RAP1A: variants seen among roughly 807,000 people sequenced by gnomAD.
RAP1A encodes the protein ras-related protein Rap-1A.
A neutral mutation model predicts 26.4 loss-of-function variants in RAP1A; 6 were observed. That is an observed-to-expected ratio of 0.23 (90% CI 0.12 to 0.45). The LOEUF is 0.45. Ranked by LOEUF, RAP1A falls within the 20% of genes least tolerant of loss-of-function variation. The pLI is 0.99. For synonymous variants in RAP1A, 73 were observed against 79.4 expected, an observed-to-expected ratio of 0.92 and a Z score of 0.43; for missense variants, 121 against 217.2, an observed-to-expected ratio of 0.56 and a Z score of 2.78.
chr1:111,570,310 A>G (rs1299124663), intron 1 of RAP1A, among the ~76,000 whole-genome samples: 3 of 152,342 alleles, frequency 2.0e-5, no homozygotes, highest in African/African-American at 4.8e-5. Flanking sequence ...AGGGATTTCA[A>G]GGTCAAACCA....
intron 6 of RAP1A, chr1:111,706,838 T>C: frequency 1.4e-6 from 1 of 728,820 alleles, no homozygotes; most frequent in Non-Finnish European, 1.7e-6. Flanking sequence ...GTTACCTTTC[T>C]ATATAGTACC....
At chr1:111,634,212 A>T (rs74109833) in intron 1 of RAP1A, among the ~76,000 whole-genome samples, 8,065 of 152,220 alleles carry the variant, frequency 0.053, 457 homozygotes, top group African/African-American at 0.14. Flanking sequence ...TATTTGAGAG[A>T]GTGCCCTTTA....
intron 1 of RAP1A, among the ~76,000 whole-genome samples, chr1:111,689,086 T>A (rs1033087333): frequency 1.3e-5 from 2 of 152,158 alleles, no homozygotes; most frequent in Non-Finnish European, 2.9e-5. Context: ...TCTGCCCATC[T>A]TGGCCTCCCA....
chr1:111,689,265 T>C (rs934868099), intron 1 of RAP1A, among the ~76,000 whole-genome samples: 4 of 152,104 alleles, frequency 2.6e-5, no homozygotes, highest in Non-Finnish European at 4.4e-5. Context: ...TCTTTTTTTT[T>C]TCTTTTTCTT....
At position 111,557,501 on chromosome 1, in the gene RAP1A, G is replaced by A. The variant is rs146904656; in HGVS notation, c.-28+14992G>A. Among the ~76,000 whole-genome samples, 439 of 150,374 alleles carry A rather than the reference G, an allele frequency of 2.9e-3. 3 individuals are homozygous for A. The highest frequency in any genetic ancestry group is 0.01 in the African/African-American group (411 of 40,868). On this transcript the variant is annotated intron_variant, in intron 1 of 7. Transcript: ENST00000356415. ...GGAGGAGGAGGTTGCAGTGAGCCGA[G>A]ATCACACCACTGCACTCCAGCCTGG...
upstream of RAP1A, chr1:111,619,675 A>C (rs1385445275): frequency 1.5e-5 from 6 of 391,582 alleles, no homozygotes; most frequent in Non-Finnish European, 2.7e-5. Context: ...CGGACTCCGG[A>C]ACGCCGTGGG....
At chr1:111,632,921 C>CAAA (rs59053038) in intron 1 of RAP1A, among the ~76,000 whole-genome samples, 2,499 of 68,160 alleles carry the variant, frequency 0.037, 135 homozygotes, top group African/African-American at 0.095. Context: ...AACTTGGTCT[C>CAAA]AAAAAAAAAA....
chr1:111,607,003 T>TTTTATTTA (rs370268151), intron 1 of RAP1A, among the ~76,000 whole-genome samples: 8,582 of 145,726 alleles, frequency 0.059, 275 homozygotes, highest in African/African-American at 0.092. Context: ...ATTCATTTTC[T>TTTTATTTA]TTTATTTATT....
chr1:111,651,502 A>G (rs1483318096), intron 1 of RAP1A, among the ~76,000 whole-genome samples: 2 of 135,896 alleles, frequency 1.5e-5, no homozygotes, highest in Non-Finnish European at 3.1e-5. Context: ...TTTTAGACAG[A>G]GTCTCGCTCT....
chr1:111,627,228 A>G (rs916504952), intron 1 of RAP1A, among the ~76,000 whole-genome samples: 1 of 151,638 alleles, frequency 6.6e-6, no homozygotes, highest in African/African-American at 2.4e-5. Context: ...TTTAATATAC[A>G]TTTTTCCAGT....
chr1:111,660,817 T>C (rs1301721708), intron 1 of RAP1A, among the ~76,000 whole-genome samples: 1 of 152,222 alleles, frequency 6.6e-6, no homozygotes, highest in East Asian at 1.9e-4. Flanking sequence ...TTCCTCATTG[T>C]CCTCCAATTA....
chr1:111,680,743 CT>C (rs1263196953), intron 1 of RAP1A: 1 of 152,852 alleles, frequency 6.5e-6, no homozygotes, highest in Non-Finnish European at 1.5e-5. Flanking sequence ...CAAACAGGGT[CT>C]GGAGTGGACC....
At chr1:111,707,004 C>T (rs1662214264) in intron 6 of RAP1A, among the ~76,000 whole-genome samples, 1 of 152,270 alleles carries the variant, frequency 6.6e-6, no homozygotes, top group South Asian at 2.1e-4. Context: ...GGCTTAAGCA[C>T]ATTGAGTTCT....
chr1:111,628,676 G>C (rs1324009578), intron 1 of RAP1A, among the ~76,000 whole-genome samples: 2 of 152,128 alleles, frequency 1.3e-5, no homozygotes, highest in East Asian at 1.9e-4. Flanking sequence ...AGATCTGAGG[G>C]TTTAAAGGAA....
intron 1 of RAP1A, among the ~76,000 whole-genome samples, chr1:111,554,242 A>G (rs1657389031): frequency 1.3e-5 from 2 of 152,258 alleles, no homozygotes; most frequent in East Asian, 3.8e-4. Flanking sequence ...CAAGTTAGAA[A>G]CATCCCGGAG....
intron 7 of RAP1A, among the ~76,000 whole-genome samples, chr1:111,710,217 C>T (rs1299168985): frequency 1.3e-5 from 2 of 152,160 alleles, no homozygotes; most frequent in African/African-American, 2.4e-5. Context: ...TTATTTCCCT[C>T]TCTGGTATGA....
chr1:111,708,161 A>G (rs1662256356), intron 6 of RAP1A, among the ~76,000 whole-genome samples: 1 of 152,232 alleles, frequency 6.6e-6, no homozygotes, highest in Non-Finnish European at 1.5e-5. Context: ...GTGACAGAGC[A>G]AGACTCTGTC....
intron 1 of RAP1A, among the ~76,000 whole-genome samples, chr1:111,666,858 A>T (rs1660811244): frequency 6.6e-6 from 1 of 152,230 alleles, no homozygotes. Context: ...CTTCTGCAAA[A>T]GCCCTGTGGC....
chr1:111,667,045 T>C lies in RAP1A; in HGVS notation c.-27-24289T>C, dbSNP rs565759120. Among the ~76,000 whole-genome samples, 17 of 152,340 alleles carry C rather than the reference T, an allele frequency of 1.1e-4. No homozygotes were observed. The South Asian group carries it at 3.5e-3, about 32-fold the overall frequency. On this transcript the variant is annotated intron_variant, in intron 1 of 7. Transcript: ENST00000369709. ...AAGGAAATCATTTAATTTTCTGTTTTGAAAAGATCATTCTGGCTGCAATGT... is the reference window on the plus strand; with the variant it reads ...AAGGAAATCATTTAATTTTCTGTTTCGAAAAGATCATTCTGGCTGCAATGT...
Sources: gnomAD v4.1 joint callset for allele counts (sites outside exome capture counted in the v4.1 genomes callset) on GRCh38, gnomAD v4.1.1 for gene constraint, MANE v1.5 for transcripts, NCBI Gene and HGNC (gene_info 2026-07-23, HGNC 2026-07-21) for gene names.